NGDN: variants seen among roughly 807,000 people sequenced by gnomAD.
The protein encoded by NGDN is EIF4E-binding protein.
In NGDN, 41 loss-of-function variants were observed where a neutral mutation model predicts 45.2. The observed-to-expected ratio is 0.91, with a 90% CI of 0.71 to 1.18. NGDN has a LOEUF of 1.18. NGDN is among the 50% of genes most tolerant of loss of function. NGDN has a pLI of 0.00. For synonymous variants in NGDN, 137 were observed against 130.9 expected (o/e 1.05, Z -0.32); for missense variants, 402 against 399.9 (o/e 1.01, Z -0.05).
At chr14:23,476,669 A>C (rs2138726315) in intron 8 of NGDN, among the ~76,000 whole-genome samples, 1 of 152,332 alleles carries the variant, frequency 6.6e-6, no homozygotes, top group South Asian at 2.1e-4. Context: ...AAAGCAGTAC[A>C]AAGAGGAATG....
chr14:23,469,725 C>T lies in NGDN; in HGVS notation c.10C>T (p.Leu4=), dbSNP rs781427672. The change falls in exon 1 of 11, where the codon CTG becomes TTG. Residue 4 remains leucine (L), a splice_region_variant and synonymous_variant. Transcript: ENST00000408901. ...GGTGGGCTTTGCGAAGATGGCGGCG[C>T]TGGTGAGTTTGGTGTGGTTTCTTCC... is the stretch of plus-strand genomic sequence containing the variant. The part of the protein sequence containing the change: MAA[L]GVLESDLPSA... 1.2e-6 allele frequency: 2 copies of T among 1,614,174 alleles called. No homozygotes were observed. The highest frequency in any genetic ancestry group is 1.3e-5 in the African/African-American group (1 of 75,038).
At chr14:23,478,338 A>G (rs1382051561), downstream of NGDN, 2 of 333,714 alleles carry the variant, frequency 6.0e-6, no homozygotes, top group Non-Finnish European at 1.1e-5. Flanking sequence ...TGGTTACGTC[A>G]CAAAAAGTAT....
chr14:23,471,972 C>T (rs1302628357), intron 3 of NGDN, among the ~76,000 whole-genome samples: 5 of 151,964 alleles, frequency 3.3e-5, no homozygotes, highest in Non-Finnish European at 7.4e-5. Flanking sequence ...GGGAGGATTG[C>T]TTGAGCCCAT....
At chr14:23,478,251 A>C (rs756350685), downstream of NGDN, 2 of 443,654 alleles carry the variant, frequency 4.5e-6, no homozygotes, top group East Asian at 6.8e-5. Flanking sequence ...GGTTGGTGAA[A>C]AGGGAAATTT....
Position 23,477,363 on chromosome 14 carries a change from T to C in NGDN, c.870+7T>C, listed in dbSNP as rs1156833553. The C allele has an allele frequency of 6.2e-7, 1 of 1,613,894 alleles. No individual in the cohort carries two copies. Among genetic ancestry groups the C allele is most frequent in the Non-Finnish European group, 8.5e-7 (1 of 1,179,954 alleles). Reference sequence around the variant, plus strand: ...AACTGTTCATCTTGATGAGGTGAGGTTGAGATATGGTTGTAGTAGGATGTG... The same window carrying C: ...AACTGTTCATCTTGATGAGGTGAGGCTGAGATATGGTTGTAGTAGGATGTG... On this transcript the variant is annotated splice_region_variant and intron_variant, in intron 9 of 10. Coordinates refer to ENST00000408901, the MANE Select transcript of NGDN (RefSeq NM_001042635.2).
intron 3 of NGDN, among the ~76,000 whole-genome samples, chr14:23,472,182 T>TAA (rs78085081): frequency 0.026 from 2,114 of 81,958 alleles, 65 homozygotes; most frequent in East Asian, 0.14. Flanking sequence ...GAGACTGTCT[T>TAA]AAAAAAAAAA....
In NGDN at chr14:23,470,870, T is replaced by C. The variant is rs184797788; in HGVS notation, c.73-36T>C. On this transcript the variant is annotated intron_variant, in intron 2 of 10. Transcript: ENST00000408901. ...CACAGTTTGCAGACATAATTTGATATAATCTAATCACTTGTTTTATTTGGG... is the reference window on the plus strand; with the variant it reads ...CACAGTTTGCAGACATAATTTGATACAATCTAATCACTTGTTTTATTTGGG... The C allele has an allele frequency of 4.7e-6, 6 of 1,287,668 alleles. No individual in the cohort carries two copies. In the East Asian group the frequency reaches 1.0e-4, roughly 22 times the overall value. The allele number at this position is 1,287,668 out of a possible 1,614,324, so 79.8% of individuals were successfully genotyped here.
At chr14:23,477,448 G>T in intron 9 of NGDN, 55 bp from the exon 10 acceptor site, 1 of 1,612,618 alleles carries the variant, frequency 6.2e-7, no homozygotes, top group Non-Finnish European at 8.5e-7. Context: ...CTTGGGAAGG[G>T]ATGCTGGCTC....
chr14:23,478,183 C>T, downstream of NGDN: 1 of 712,000 alleles, frequency 1.4e-6, no homozygotes. Context: ...ATTAAAGCCC[C>T]TTTTTGCACA....
intron 6 of NGDN, 45 bp downstream of exon 6, chr14:23,475,823 T>A (rs1762330530): frequency 6.4e-7 from 1 of 1,572,348 alleles, no homozygotes; most frequent in Non-Finnish European, 8.7e-7. Context: ...GAGGCAGCTA[T>A]ACCTAGATGA....
intron 2 of NGDN, 118 bp downstream of exon 2, chr14:23,470,219 T>C: frequency 1.2e-6 from 1 of 848,812 alleles, no homozygotes; most frequent in East Asian, 2.5e-5. Flanking sequence ...TAGAGTAAAA[T>C]GATGTAATCA....
chr14:23,478,289 G>T, downstream of NGDN: 1 of 442,096 alleles, frequency 2.3e-6, no homozygotes, highest in South Asian at 4.4e-5. Flanking sequence ...CATTTGTATT[G>T]TTTTCTTTGA....
At chr14:23,473,343 A>G (rs571481868) in intron 3 of NGDN, among the ~76,000 whole-genome samples, 7 of 152,300 alleles carry the variant, frequency 4.6e-5, no homozygotes, top group Admixed American at 3.3e-4. Flanking sequence ...TTGGAGATGG[A>G]TGAGTTGCCA....
intron 8 of NGDN, 128 bp from the exon 9 acceptor site, chr14:23,477,072 T>C: frequency 1.3e-6 from 1 of 765,682 alleles, no homozygotes; most frequent in South Asian, 1.7e-5. Flanking sequence ...AAATACTATG[T>C]TGATCTGCTG....
At chr14:23,469,752 C>G in intron 1 of NGDN, 25 bp downstream of exon 1, 1 of 1,614,012 alleles carries the variant, frequency 6.2e-7, no homozygotes, top group South Asian at 1.1e-5. Context: ...GTTTCTTCCT[C>G]GCGTAGCTAT....
Position 23,476,061 on chromosome 14 carries a change from A to T in NGDN, c.453A>T (p.Ala151=), listed in dbSNP as rs370863157. ...LSSEDEEEDE[A]EDDQSEASGK... ...CTGAGGATGAGGAGGAAGATGAAGC[A>T]GAAGATGACCAGTCTGAGGCTTCAG... Residue 151 remains alanine (A), a synonymous_variant, in exon 7 of 11, where the codon GCA becomes GCT. Transcript: ENST00000408901. 6.2e-7 allele frequency: 1 copy of T among 1,614,080 alleles called. No individual in the cohort carries two copies. Among genetic ancestry groups the T allele is most frequent in the African/African-American group, 1.3e-5 (1 of 74,946 alleles).
intron 3 of NGDN, among the ~76,000 whole-genome samples, chr14:23,472,522 T>G (rs771482719): frequency 2.0e-5 from 3 of 152,080 alleles, no homozygotes; most frequent in Non-Finnish European, 2.9e-5. Flanking sequence ...CAACAACAAT[T>G]AAAATATTGT....
intron 1 of NGDN, 87 bp downstream of exon 1, chr14:23,469,814 G>A: frequency 2.6e-6 from 4 of 1,550,472 alleles, no homozygotes; most frequent in Non-Finnish European, 3.5e-6. Context: ...TTGGTACCAG[G>A]GAAGGGTGGT....
chr14:23,470,677 G>A (rs1208165568), intron 2 of NGDN, among the ~76,000 whole-genome samples: 2 of 151,708 alleles, frequency 1.3e-5, no homozygotes, highest in Non-Finnish European at 2.9e-5. Flanking sequence ...TCTCCTCCCT[G>A]TGGTTCAGTA....
Sources: gnomAD v4.1 joint callset for allele counts (sites outside exome capture counted in the v4.1 genomes callset) on GRCh38, gnomAD v4.1.1 for gene constraint, MANE v1.5 for transcripts, NCBI Gene and HGNC (gene_info 2026-07-23, HGNC 2026-07-21) for gene names.